FMN1: variants seen among roughly 807,000 people sequenced by gnomAD.
FMN1 encodes formin 1, also known as formin-1.
Under a neutral mutation model 132.4 loss-of-function variants are expected in FMN1, and 110 were observed. That is an observed-to-expected ratio of 0.83 (90% CI 0.71 to 0.97). The LOEUF (loss-of-function observed/expected upper bound fraction) is 0.97, where lower values mean the gene tolerates loss of function less well. FMN1 is among the 50% of genes least tolerant of loss of function. The probability of loss-of-function intolerance (pLI) is 0.00; values close to 1 mark genes in which losing one functional copy is unlikely to be tolerated. For synonymous variants in FMN1, 722 were observed against 651.7 expected, an observed-to-expected ratio of 1.11 and a Z score of -1.64; for missense variants, 1,792 against 1,705.3, an observed-to-expected ratio of 1.05 and a Z score of -0.90.
chr15:32,958,347 C>A (rs2030071999), intron 9 of FMN1, among the ~76,000 whole-genome samples: 1 of 152,128 alleles, frequency 6.6e-6, no homozygotes, highest in South Asian at 2.1e-4. Context: ...AGGGGAAATG[C>A]AGACACATGC....
chr15:33,130,928 GC>G (rs1223521322), intron 4 of FMN1, among the ~76,000 whole-genome samples: 6 of 152,048 alleles, frequency 3.9e-5, no homozygotes, highest in African/African-American at 1.4e-4. Context: ...TCAATTCTAG[GC>G]TTCAGTTTCT....
chr15:32,780,459 A>G (rs1039469809), intron 19 of FMN1, among the ~76,000 whole-genome samples: 1 of 152,226 alleles, frequency 6.6e-6, no homozygotes, highest in Non-Finnish European at 1.5e-5. Flanking sequence ...TGGTCTTAAA[A>G]AAGGGAGGCA....
At chr15:33,058,303 G>A (rs963334331) in intron 6 of FMN1, among the ~76,000 whole-genome samples, 2 of 152,312 alleles carry the variant, frequency 1.3e-5, no homozygotes, top group Non-Finnish European at 2.9e-5. Flanking sequence ...GTGGAATATG[G>A]AGTATCGACC....
At chr15:33,098,756 A>G (rs921665434) in intron 4 of FMN1, among the ~76,000 whole-genome samples, 7 of 152,146 alleles carry the variant, frequency 4.6e-5, no homozygotes, top group Non-Finnish European at 8.8e-5. Flanking sequence ...GGAGATGGCT[A>G]CTTTCTTCTA....
At chr15:32,871,386 ATTCT>A (rs972835117) in intron 16 of FMN1, among the ~76,000 whole-genome samples, 3 of 152,116 alleles carry the variant, frequency 2.0e-5, no homozygotes, top group South Asian at 2.1e-4. Context: ...TTGTATTTTG[ATTCT>A]TTCTATTAAC....
intron 5 of FMN1, among the ~76,000 whole-genome samples, chr15:33,083,406 G>A (rs1230379670): frequency 6.6e-6 from 1 of 152,160 alleles, no homozygotes; most frequent in Non-Finnish European, 1.5e-5. Flanking sequence ...AGGATGGGAG[G>A]CTGGTTGCCA....
rs1478211536 is a variant in FMN1 at position 33,153,044 on chromosome 15, T to C, written c.1867+4A>G. ...GATTCAAAGCATCTTAAACAGAGAC[T>C]AACCTGGAGGTGACTGGTGCTGGGG... is the stretch of plus-strand genomic sequence containing the variant. On this transcript the variant is annotated splice_donor_region_variant and intron_variant, in intron 4 of 20. Coordinates refer to ENST00000616417, the MANE Select transcript of FMN1 (RefSeq NM_001277313.2). 27 of 1,506,058 alleles carry C rather than the reference T, an allele frequency of 1.8e-5. No individual in the cohort carries two copies. The highest frequency in any genetic ancestry group is 2.4e-5 in the Non-Finnish European group (27 of 1,134,760). The allele number at this position is 1,506,058 out of a possible 1,614,324, so 93.3% of individuals were successfully genotyped here.
chr15:32,785,066 T>C (rs1181252468), intron 19 of FMN1, among the ~76,000 whole-genome samples: 3 of 151,274 alleles, frequency 2.0e-5, no homozygotes, highest in Non-Finnish European at 2.9e-5. Flanking sequence ...CCATTCAACG[T>C]ATCTGTGTGA....
rs549207019 is a variant in FMN1 at position 32,978,185 on chromosome 15, T to G, written c.2224-8708A>C. 2.0e-5 allele frequency among the ~76,000 whole-genome samples: 3 copies of G among 152,256 alleles called. No homozygotes were observed. In the South Asian group the frequency reaches 6.2e-4, roughly 32 times the overall value. On this transcript the variant is annotated intron_variant, in intron 7 of 20. Transcript: ENST00000616417. ...TTAATTTTGAAAGGTGATAGTTAATTACAAGTTTTAAGGAATACACCTTTA... is the reference window on the plus strand; with the variant it reads ...TTAATTTTGAAAGGTGATAGTTAATGACAAGTTTTAAGGAATACACCTTTA...
intron 12 of FMN1, among the ~76,000 whole-genome samples, chr15:32,907,494 T>A (rs2060455797): frequency 6.6e-6 from 1 of 152,068 alleles, no homozygotes; most frequent in African/African-American, 2.4e-5. Context: ...TCCTGCTGTG[T>A]GGCCTGGTTC....
chr15:32,968,403 T>C (rs904009259), intron 8 of FMN1, among the ~76,000 whole-genome samples: 2 of 152,190 alleles, frequency 1.3e-5, no homozygotes, highest in African/African-American at 2.4e-5. Context: ...TAATCAATTG[T>C]AGTGATGTTG....
At chr15:32,883,734 A>G (rs2059828364) in intron 16 of FMN1, among the ~76,000 whole-genome samples, 1 of 152,088 alleles carries the variant, frequency 6.6e-6, no homozygotes, top group Admixed American at 6.5e-5. Context: ...TATGCTCTGT[A>G]AAAATATTAC....
intron 3 of FMN1, among the ~76,000 whole-genome samples, chr15:33,157,093 C>T (rs113102591): frequency 0.044 from 6,698 of 151,964 alleles, 176 homozygotes; most frequent in Non-Finnish European, 0.06. Flanking sequence ...TGGTAAACCC[C>T]GTCTCTACTA....
intron 9 of FMN1, among the ~76,000 whole-genome samples, chr15:32,935,512 T>C (rs2061243615): frequency 1.3e-5 from 2 of 152,216 alleles, no homozygotes; most frequent in Admixed American, 6.5e-5. Context: ...CCGCCAGATA[T>C]CTGACCATTA....
chr15:32,968,115 G>A (rs1033906300), intron 8 of FMN1, among the ~76,000 whole-genome samples: 7 of 152,122 alleles, frequency 4.6e-5, no homozygotes, highest in Non-Finnish European at 7.4e-5. Flanking sequence ...TTCTCTGAAG[G>A]GCATCAAGAC....
intron 17 of FMN1, among the ~76,000 whole-genome samples, chr15:32,817,612 A>G (rs1278293179): frequency 2.0e-5 from 3 of 152,246 alleles, no homozygotes; most frequent in Non-Finnish European, 4.4e-5. Flanking sequence ...GATGCTGCAG[A>G]AGATATTTTC....
At chr15:33,073,082 A>C (rs1433889877) in intron 5 of FMN1, among the ~76,000 whole-genome samples, 1 of 152,226 alleles carries the variant, frequency 6.6e-6, no homozygotes, top group Non-Finnish European at 1.5e-5. Context: ...ATTTTTAAAT[A>C]TCGTTTTGCG....
intron 17 of FMN1, among the ~76,000 whole-genome samples, chr15:32,823,209 T>G (rs574429454): frequency 1.9e-4 from 25 of 133,034 alleles, no homozygotes; most frequent in Non-Finnish European, 2.8e-4. Context: ...TCACCCAGGC[T>G]GGAGTGCAGT....
Position 32,848,977 on chromosome 15 carries a change from G to GTTTTTTTTTTTTTT in FMN1, c.3928+8024_3928+8037dup, listed in dbSNP as rs71113479. Among the ~76,000 whole-genome samples, 44 of 89,564 alleles carry GTTTTTTTTTTTTTT rather than the reference G, an allele frequency of 4.9e-4. 3 individuals carry two copies. The highest frequency in any genetic ancestry group is 1.2e-3 in the East Asian group (3 of 2,524). The allele number at this position is 89,564 out of a possible 152,430, so 58.8% of individuals were successfully genotyped here. A position where few individuals can be genotyped will look rare whatever the true frequency, so the allele number is the denominator to read the frequency against. The stretch of plus-strand genomic sequence containing the variant: ...ATCAGTCTTGGGTTAGTTCTCTTTT[G>GTTTTTTTTTTTTTT]TTTTTTTTTTTTTTTTTTTTTTCAG... On this transcript the variant is annotated intron_variant, in intron 17 of 20. Transcript: ENST00000616417.
Sources: allele counts gnomAD v4.1 joint callset (sites outside exome capture counted in the v4.1 genomes callset), GRCh38; gene constraint gnomAD v4.1.1; transcripts MANE v1.5; gene names NCBI Gene and HGNC (gene_info 2026-07-23, HGNC 2026-07-21).